Variants in AGT observed in about 807,000 individuals in gnomAD.
AGT encodes the protein alpha-1 antiproteinase, antitrypsin.
AGT carries 26 observed loss-of-function variants against 28.1 expected under a neutral mutation model. The observed-to-expected ratio is 0.92, with a 90% CI of 0.68 to 1.28. The LOEUF (loss-of-function observed/expected upper bound fraction) is 1.28, where lower values mean the gene tolerates loss of function less well. Among genes scored for constraint, AGT ranks in the 50% most tolerant of loss-of-function variants. The pLI, the probability that AGT is intolerant of heterozygous loss-of-function variation, is 0.00. For synonymous variants in AGT, 259 were observed against 259.6 expected, an observed-to-expected ratio of 1.00 and a Z score of 0.02; for missense variants, 596 against 592.3, an observed-to-expected ratio of 1.01 and a Z score of -0.06.
At position 230,712,321 on chromosome 1, in the gene AGT, C is replaced by T. The variant is rs563033600; in HGVS notation, c.-30-1468G>A. Among the ~76,000 whole-genome samples, 19 of 152,094 alleles carry T rather than the reference C, an allele frequency of 1.2e-4. No homozygotes were observed. The South Asian group carries it at 1.9e-3, about 15-fold the overall frequency. ...CCGTAACCAGCACCTGCCCTCAACA[C>T]GGTGCAGCTGCTGAAGTACCTGGTG... is the stretch of plus-strand genomic sequence containing the variant. On this transcript the variant is annotated intron_variant, in intron 1 of 4. Transcript: ENST00000366667.
At chr1:230,703,539 C>A (rs1663291900) in intron 4 of AGT, among the ~76,000 whole-genome samples, 1 of 151,952 alleles carries the variant, frequency 6.6e-6, no homozygotes, top group Non-Finnish European at 1.5e-5. Context: ...CGTTAATTGG[C>A]CACAATGGCC....
chr1:230,745,152 A>G (rs2102809973), intron 1 of AGT, among the ~76,000 whole-genome samples: 1 of 152,314 alleles, frequency 6.6e-6, no homozygotes, highest in Middle Eastern at 3.4e-3. Flanking sequence ...GCAAACAAAG[A>G]GACAAAAGAG....
intron 1 of AGT, among the ~76,000 whole-genome samples, chr1:230,732,891 G>A (rs1664092149): frequency 1.3e-5 from 2 of 152,064 alleles, no homozygotes; most frequent in Admixed American, 6.6e-5. Context: ...AAGGACCAAC[G>A]GTATTTGAGG....
upstream of AGT, among the ~76,000 whole-genome samples, chr1:230,719,149 T>A (rs906789168): frequency 2.0e-5 from 3 of 152,178 alleles, no homozygotes; most frequent in Non-Finnish European, 4.4e-5. Flanking sequence ...TGAATAATGC[T>A]GCATTGAACT....
Position 230,706,149 on chromosome 1 carries a change from T to C in AGT, c.881A>G (p.Asp294Gly). The C allele has an allele frequency of 6.2e-7, 1 of 1,613,962 alleles. No homozygotes were observed. Among genetic ancestry groups the C allele is most frequent in the Non-Finnish European group, 8.5e-7 (1 of 1,179,972 alleles). Residue 294 changes from aspartate to glycine, a missense_variant, in exon 3 of 5, where the codon GAC (aspartate) becomes GGC (glycine). Transcript: ENST00000366667. ...GGGAACAGACACTGAGGTGCTGTTG[T>C]CCACCCAGAACTCCTGGGGCTCGGC... ...LLAEPQEFWV[D>G]NSTSVSVPML... is the part of the protein sequence containing the mutation.
At chr1:230,703,444 G>T in intron 4 of AGT, 115 bp from the exon 5 acceptor site, 1 of 1,113,974 alleles carries the variant, frequency 9.0e-7, no homozygotes, top group Non-Finnish European at 1.3e-6. Context: ...TGTCCTGGAG[G>T]GGGACATTTT....
At chr1:230,707,199 G>A (rs576383233) in intron 2 of AGT, among the ~76,000 whole-genome samples, 1 of 152,218 alleles carries the variant, frequency 6.6e-6, no homozygotes, top group African/African-American at 2.4e-5. Flanking sequence ...TGTGTGTGAC[G>A]CAGTTACCTG....
At chr1:230,728,291 G>T (rs1244297866) in intron 1 of AGT, among the ~76,000 whole-genome samples, 2 of 152,256 alleles carry the variant, frequency 1.3e-5, no homozygotes, top group African/African-American at 4.8e-5. Context: ...GCTGGTGATT[G>T]CTTAACTATG....
At chr1:230,704,064 G>T in intron 4 of AGT, 129 bp downstream of exon 4, 4 of 1,394,826 alleles carry the variant, frequency 2.9e-6, no homozygotes, top group Non-Finnish European at 2.0e-6. Context: ...CCCACCTTTG[G>T]CCCTACTCTC....
chr1:230,724,996 G>A (rs1034213454), intron 1 of AGT, among the ~76,000 whole-genome samples: 2 of 151,860 alleles, frequency 1.3e-5, no homozygotes, highest in Non-Finnish European at 2.9e-5. Context: ...AATCTGATGG[G>A]GACAAAAATC....
chr1:230,723,180 T>G (rs1206506312), intron 1 of AGT, among the ~76,000 whole-genome samples: 1 of 152,186 alleles, frequency 6.6e-6, no homozygotes, highest in Non-Finnish European at 1.5e-5. Flanking sequence ...TCTCCAGCCT[T>G]ACAAAGATGG....
In AGT at chr1:230,745,405, G is replaced by A. The variant is rs780263655; in HGVS notation, c.-31+110C>T. Among the ~76,000 whole-genome samples, 9 of 152,262 alleles carry A rather than the reference G, an allele frequency of 5.9e-5. No individual in the cohort carries two copies. In the South Asian group the frequency reaches 1.5e-3, roughly 25 times the overall value. On this transcript the variant is annotated intron_variant, in intron 1 of 4. Transcript: ENST00000681269. ...CAGGGACAGACAGCATGGATAACTC[G>A]CCCAAGATCACCCCAGGGAAAACTG...
At chr1:230,738,158 A>C (rs1216058353) in intron 1 of AGT, among the ~76,000 whole-genome samples, 1 of 152,226 alleles carries the variant, frequency 6.6e-6, no homozygotes, top group African/African-American at 2.4e-5. Context: ...TGTTGTAAGC[A>C]TTCATGAATA....
intron 1 of AGT, among the ~76,000 whole-genome samples, chr1:230,730,969 A>G (rs1033984326): frequency 6.6e-6 from 1 of 152,188 alleles, no homozygotes; most frequent in Non-Finnish European, 1.5e-5. Context: ...TTAACCTAAT[A>G]ATGCCTCACT....
At chr1:230,711,816 T>TAAAA (rs58359338) in intron 1 of AGT, among the ~76,000 whole-genome samples, 1 of 136,278 alleles carries the variant, frequency 7.3e-6, no homozygotes, top group African/African-American at 2.6e-5. Flanking sequence ...GGACCACGTA[T>TAAAA]AAAAAAAAAA....
chr1:230,731,651 A>G (rs1664070675), intron 1 of AGT, among the ~76,000 whole-genome samples: 1 of 152,100 alleles, frequency 6.6e-6, no homozygotes, highest in Non-Finnish European at 1.5e-5. Context: ...GGATCACTTG[A>G]GGTTAGGAGC....
chr1:230,712,538 C>T (rs1244194999), intron 1 of AGT, among the ~76,000 whole-genome samples: 1 of 152,198 alleles, frequency 6.6e-6, no homozygotes, highest in Non-Finnish European at 1.5e-5. Flanking sequence ...CAGTTCACAC[C>T]TAATCTAGAC....
intron 1 of AGT, among the ~76,000 whole-genome samples, chr1:230,732,691 C>G (rs923667531): frequency 6.6e-6 from 1 of 152,090 alleles, no homozygotes; most frequent in Non-Finnish European, 1.5e-5. Flanking sequence ...CTAAGAAAAT[C>G]GTAACAAAGA....
chr1:230,703,298 G>C lies in AGT; in HGVS notation c.1274C>G (p.Ala425Gly), dbSNP rs61751076. ...AGACTCTGTGGGCTCTCTCTCATCCGCTTCAAGCTCAAAAAAAATGCTGTT... is the reference window on the plus strand; with the variant it reads ...AGACTCTGTGGGCTCTCTCTCATCCCCTTCAAGCTCAAAAAAAATGCTGTT... ...VLNSIFFELE[A>G]DEREPTESTQ... Residue 425 changes from alanine to glycine, a missense_variant, in exon 5 of 5, where the codon GCG (alanine) becomes GGG (glycine). Ala to Gly is a moderately conservative substitution (Grantham distance 60). Coordinates refer to ENST00000366667, the MANE Select transcript of AGT (RefSeq NM_001384479.1). The C allele has an allele frequency of 4.3e-6, 7 of 1,614,156 alleles. No homozygotes were observed. In the South Asian group the frequency reaches 6.6e-5, roughly 15 times the overall value.
Sources: allele counts gnomAD v4.1 joint callset (sites outside exome capture counted in the v4.1 genomes callset), GRCh38; gene constraint gnomAD v4.1.1; transcripts MANE v1.5; gene names NCBI Gene and HGNC (gene_info 2026-07-23, HGNC 2026-07-21).